Variants in MGRN1 observed in about 807,000 individuals in gnomAD.
MGRN1 encodes the protein mahogunin ring finger 1, also known as E3 ubiquitin-protein ligase MGRN1.
In MGRN1, 29 loss-of-function variants were observed where a neutral mutation model predicts 69.2. The observed-to-expected ratio is 0.42, with a 90% CI of 0.31 to 0.57. The LOEUF (loss-of-function observed/expected upper bound fraction) is 0.57, where lower values mean the gene tolerates loss of function less well. MGRN1 is among the 20% of genes least tolerant of loss of function. MGRN1 has a pLI of 0.15. For missense variants in MGRN1, 998 were observed against 796.2 expected, an observed-to-expected ratio of 1.25 and a Z score of -3.05; for synonymous variants, 470 against 344.2, an observed-to-expected ratio of 1.37 and a Z score of -4.04.
intron 1 of MGRN1, among the ~76,000 whole-genome samples, chr16:4,630,563 T>G (rs1897948386): frequency 6.6e-6 from 1 of 151,614 alleles, no homozygotes; most frequent in African/African-American, 2.4e-5. Context: ...TTCTTCTACC[T>G]CAGCCTACTG....
intron 14 of MGRN1, 50 bp from the exon 15 acceptor site, chr16:4,683,174 G>C (rs761675366): frequency 7.5e-6 from 12 of 1,603,920 alleles, no homozygotes; most frequent in South Asian, 3.3e-5. Flanking sequence ...GTCCTGGAGC[G>C]GTGGCCGCGG....
chr16:4,680,278 C>A (rs2079150832), intron 12 of MGRN1, 181 bp downstream of exon 12: 2 of 625,014 alleles, frequency 3.2e-6, no homozygotes, highest in Non-Finnish European at 5.4e-6. Flanking sequence ...AGCTCTCGGT[C>A]CGTGGGCGAA....
chr16:4,625,408 C>T (rs1458784397), intron 1 of MGRN1, among the ~76,000 whole-genome samples: 1 of 152,248 alleles, frequency 6.6e-6, no homozygotes, highest in African/African-American at 2.4e-5. Flanking sequence ...GCCTAGAAAA[C>T]TCTCATTGTC....
intron 5 of MGRN1, among the ~76,000 whole-genome samples, chr16:4,661,692 C>G (rs2078685241): frequency 6.6e-6 from 1 of 152,220 alleles, no homozygotes; most frequent in African/African-American, 2.4e-5. Context: ...CAGCATAGCC[C>G]CCAGCATCAG....
chr16:4,673,477 C>T lies in MGRN1; in HGVS notation c.796-21C>T, dbSNP rs377337743. 1.9e-6 allele frequency: 3 copies of T among 1,608,354 alleles called. No individual in the cohort carries two copies. The African/African-American group carries it at 4.0e-5, about 21-fold the overall frequency. On this transcript the variant is annotated intron_variant, in intron 9 of 16. Coordinates refer to ENST00000262370, the MANE Select transcript of MGRN1 (RefSeq NM_015246.4). The stretch of plus-strand genomic sequence containing the variant: ...TCTGGCCTTTGGGAGGCTGCTGACC[C>T]ACAAGCCCTTGTCCCGGCAGCCCTC...
chr16:4,660,243 C>T (rs943058058), intron 5 of MGRN1, among the ~76,000 whole-genome samples: 1 of 152,224 alleles, frequency 6.6e-6, no homozygotes, highest in Non-Finnish European at 1.5e-5. Context: ...TTCTGCAGCT[C>T]TGTGAGCCTG....
intron 4 of MGRN1, among the ~76,000 whole-genome samples, chr16:4,655,784 C>T (rs756351423): frequency 6.6e-6 from 1 of 152,400 alleles, no homozygotes; most frequent in Admixed American, 6.5e-5. Flanking sequence ...TGCCAGTGCT[C>T]CATCCATTTG....
chr16:4,658,500 C>T (rs566135483), intron 5 of MGRN1, among the ~76,000 whole-genome samples: 30 of 151,420 alleles, frequency 2.0e-4, no homozygotes, highest in African/African-American at 6.1e-4. Context: ...CACGCCACTG[C>T]ACTCCAGCCT....
intron 1 of MGRN1, among the ~76,000 whole-genome samples, chr16:4,628,450 C>A (rs1016667500): frequency 6.6e-6 from 1 of 151,792 alleles, no homozygotes. Context: ...ATTGTGCAGT[C>A]ATCACCACAA....
rs548747841 is a variant in MGRN1 at position 4,632,101 on chromosome 16, G to A, written c.88+7053G>A. On this transcript the variant is annotated intron_variant, in intron 1 of 16. Transcript: ENST00000262370. Reference sequence around the variant, plus strand: ...GCAATCTTGACTCACTCCAACCTCTGCCTCGCAGGTTCAAGTGATTCTCTC... The same window carrying A: ...GCAATCTTGACTCACTCCAACCTCTACCTCGCAGGTTCAAGTGATTCTCTC... Among the ~76,000 whole-genome samples, 7 of 133,386 alleles carry A rather than the reference G, an allele frequency of 5.2e-5. No homozygotes were observed. The East Asian group carries it at 1.3e-3, about 25-fold the overall frequency. The allele number at this position is 133,386 out of a possible 152,430, so 87.5% of individuals were successfully genotyped here.
rs375113714 is a variant in MGRN1, at chr16:4,653,327, G to T, written c.443+503G>T. ...AGGGGTGGGGCGCACCACCTTCCTC[G>T]TATTCAGCAAACCAGAAGCTCTCCT... On this transcript the variant is annotated intron_variant, in intron 4 of 16. Coordinates refer to ENST00000262370, the MANE Select transcript of MGRN1 (RefSeq NM_015246.4). Among the ~76,000 whole-genome samples, 15 of 152,218 alleles carry T rather than the reference G, an allele frequency of 9.9e-5. No individual in the cohort carries two copies. The East Asian group carries it at 2.7e-3, about 27-fold the overall frequency.
intron 10 of MGRN1, 196 bp from the exon 11 acceptor site, chr16:4,677,267 C>T: frequency 4.4e-6 from 2 of 451,052 alleles, no homozygotes; most frequent in Admixed American, 7.7e-5. Flanking sequence ...TTCTTTCTTT[C>T]TTCCCCCATC....
At chr16:4,631,557 C>T (rs1393010218) in intron 1 of MGRN1, among the ~76,000 whole-genome samples, 8 of 152,190 alleles carry the variant, frequency 5.3e-5, no homozygotes, top group Admixed American at 5.2e-4. Context: ...TAAATCGGCC[C>T]AGAATATCCA....
chr16:4,648,942 C>G (rs2078341623), intron 1 of MGRN1: 1 of 159,930 alleles, frequency 6.3e-6, no homozygotes, highest in African/African-American at 2.4e-5. Context: ...CCGGGTCCTC[C>G]TCTCCGGGGC....
chr16:4,688,555 G>A (rs563110366), intron 16 of MGRN1: 10 of 1,282,814 alleles, frequency 7.8e-6, no homozygotes, highest in East Asian at 3.0e-5. Flanking sequence ...CTGCAGATCT[G>A]CTGTGGGTGT....
chr16:4,643,109 C>T (rs949037944), intron 1 of MGRN1, among the ~76,000 whole-genome samples: 1 of 152,070 alleles, frequency 6.6e-6, no homozygotes, highest in South Asian at 2.1e-4. Flanking sequence ...GCACACACCA[C>T]CATGCCTGGC....
At chr16:4,640,619 G>C (rs112609706) in intron 1 of MGRN1, 1 of 152,314 alleles carries the variant, frequency 6.6e-6, no homozygotes, top group Non-Finnish European at 1.5e-5. Context: ...GAGTGTGTTG[G>C]TTCCACATAG....
chr16:4,675,698 C>A (rs74652455), intron 10 of MGRN1, among the ~76,000 whole-genome samples: 2,387 of 150,188 alleles, frequency 0.016, 33 homozygotes, highest in Non-Finnish European at 0.025. Flanking sequence ...GCCACCACTG[C>A]ACCCCCGCCT....
chr16:4,657,611 G>A (rs940216528), intron 5 of MGRN1, among the ~76,000 whole-genome samples: 6 of 152,208 alleles, frequency 3.9e-5, no homozygotes, highest in Admixed American at 1.3e-4. Context: ...AGACACTGGG[G>A]TTTGGGGAGA....
Sources: allele counts gnomAD v4.1 joint callset (sites outside exome capture counted in the v4.1 genomes callset), GRCh38; gene constraint gnomAD v4.1.1; transcripts MANE v1.5; gene names NCBI Gene and HGNC (gene_info 2026-07-23, HGNC 2026-07-21).